The following SOX5 variants were observed in gnomAD, a reference collection of about 807,000 sequenced individuals.
The protein encoded by SOX5 is SRY-box transcription factor 5.
SOX5 carries 9 observed loss-of-function variants against 92.0 expected under a neutral mutation model. The ratio of observed to expected loss-of-function variants is 0.10; its 90% CI spans 0.06 to 0.17. SOX5 has a LOEUF of 0.17. Among genes scored for constraint, SOX5 ranks in the 10% least tolerant of loss-of-function variants. SOX5 has a pLI of 1.00. For synonymous variants in SOX5, 344 were observed against 336.3 expected (o/e 1.02, Z -0.25); for missense variants, 642 against 944.5 (o/e 0.68, Z 4.20).
intron 7 of SOX5, among the ~76,000 whole-genome samples, chr12:23,658,909 AAAAC>A (rs1392273205): frequency 2.0e-5 from 3 of 152,190 alleles, no homozygotes; most frequent in East Asian, 1.9e-4. Context: ...ATAAAAAATA[AAAAC>A]AAACAAACAA....
intron 6 of SOX5, among the ~76,000 whole-genome samples, chr12:23,715,512 T>C (rs1295116276): frequency 6.6e-6 from 1 of 152,116 alleles, no homozygotes; most frequent in African/African-American, 2.4e-5. Context: ...CAGTAACATT[T>C]AAAAGTTCAT....
upstream of SOX5, chr12:23,950,908 G>T (rs1366148410): frequency 1.3e-6 from 2 of 1,533,038 alleles, no homozygotes; most frequent in African/African-American, 2.7e-5. Flanking sequence ...CCCGTGCACC[G>T]CAGCATCTGG....
At chr12:24,075,313 A>G (rs1942423760) in intron 4 of SOX5, among the ~76,000 whole-genome samples, 1 of 145,266 alleles carries the variant, frequency 6.9e-6, no homozygotes. Context: ...AGTCAGTGCC[A>G]GTCAGAAACA....
At chr12:24,160,446 C>T (rs1314530057) in intron 4 of SOX5, among the ~76,000 whole-genome samples, 2 of 151,820 alleles carry the variant, frequency 1.3e-5, no homozygotes, top group East Asian at 1.9e-4. Context: ...ATTCTATATG[C>T]AACATTGGGC....
At chr12:24,124,893 A>C (rs1237166990) in intron 4 of SOX5, among the ~76,000 whole-genome samples, 1 of 152,208 alleles carries the variant, frequency 6.6e-6, no homozygotes, top group Non-Finnish European at 1.5e-5. Flanking sequence ...TCGTGTGTAA[A>C]ACAGGGTTTT....
chr12:23,573,190 T>C (rs1948629451), intron 10 of SOX5, among the ~76,000 whole-genome samples: 1 of 152,168 alleles, frequency 6.6e-6, no homozygotes, highest in Non-Finnish European at 1.5e-5. Context: ...TGAAGAGTAA[T>C]ATACATATTC....
intron 3 of SOX5, among the ~76,000 whole-genome samples, chr12:24,264,171 G>T (rs1232266901): frequency 6.6e-6 from 1 of 152,108 alleles, no homozygotes; most frequent in African/African-American, 2.4e-5. Flanking sequence ...TTTGCTTTGA[G>T]CTTCCATTTC....
At chr12:24,264,680 G>T (rs1446109340) in intron 3 of SOX5, among the ~76,000 whole-genome samples, 1 of 152,134 alleles carries the variant, frequency 6.6e-6, no homozygotes, top group African/African-American at 2.4e-5. Context: ...AGGTGGAAAT[G>T]CAGAGCCTTA....
chr12:24,495,405 A>C (rs1038085571), intron 1 of SOX5, among the ~76,000 whole-genome samples: 2 of 152,344 alleles, frequency 1.3e-5, no homozygotes, highest in Admixed American at 6.5e-5. Flanking sequence ...AGCAATTAGA[A>C]CTACAAAGAG....
intron 10 of SOX5, among the ~76,000 whole-genome samples, chr12:23,572,679 T>C (rs922829316): frequency 6.6e-6 from 1 of 152,160 alleles, no homozygotes; most frequent in Non-Finnish European, 1.5e-5. Context: ...ACTATGACAT[T>C]TATAAGCCTA....
chr12:24,042,598 T>C (rs913067893), intron 4 of SOX5, among the ~76,000 whole-genome samples: 6 of 152,282 alleles, frequency 3.9e-5, no homozygotes, highest in African/African-American at 1.4e-4. Flanking sequence ...AAAAAGTATA[T>C]TTAGTGTATC....
intron 2 of SOX5, among the ~76,000 whole-genome samples, chr12:24,366,663 C>T (rs1484035068): frequency 6.6e-6 from 1 of 152,134 alleles, no homozygotes; most frequent in Non-Finnish European, 1.5e-5. Flanking sequence ...GCATAGCTGA[C>T]TCCTTCTTCA....
intron 4 of SOX5, among the ~76,000 whole-genome samples, chr12:24,196,458 C>A (rs553581347): frequency 4.5e-4 from 69 of 152,254 alleles, no homozygotes; most frequent in Admixed American, 2.2e-3. Flanking sequence ...TATACAACAG[C>A]ATTTTCTAAA....
At chr12:24,472,823 T>C (rs1187653004) in intron 1 of SOX5, among the ~76,000 whole-genome samples, 2 of 151,986 alleles carry the variant, frequency 1.3e-5, no homozygotes, top group African/African-American at 4.8e-5. Context: ...GTATGTTATC[T>C]AGGATGTAAA....
intron 4 of SOX5, among the ~76,000 whole-genome samples, chr12:24,041,617 A>G (rs564358900): frequency 1.3e-5 from 2 of 152,282 alleles, no homozygotes; most frequent in South Asian, 2.1e-4. Context: ...ACTGCAAACA[A>G]TAAGTAACTT....
At chr12:24,248,978 C>A in intron 3 of SOX5, among the ~76,000 whole-genome samples, 1 of 152,156 alleles carries the variant, frequency 6.6e-6, no homozygotes, top group Non-Finnish European at 1.5e-5. Context: ...AGTCAAGTCA[C>A]TGATTAAAAG....
chr12:23,649,683 T>C (rs1190100888), intron 7 of SOX5, among the ~76,000 whole-genome samples: 1 of 152,134 alleles, frequency 6.6e-6, no homozygotes, highest in East Asian at 1.9e-4. Flanking sequence ...GCTTACAGTG[T>C]CTACTGACAC....
intron 4 of SOX5, among the ~76,000 whole-genome samples, chr12:24,038,684 CAT>C (rs1191396611): frequency 6.6e-6 from 1 of 152,086 alleles, no homozygotes; most frequent in Non-Finnish European, 1.5e-5. Flanking sequence ...TGGGAAATTA[CAT>C]GTTTTAGATT....
At chr12:23,629,829 G>A (rs1046442816) in intron 8 of SOX5, among the ~76,000 whole-genome samples, 1 of 151,778 alleles carries the variant, frequency 6.6e-6, no homozygotes, top group Non-Finnish European at 1.5e-5. Flanking sequence ...TTCTTATAAT[G>A]CTTAGCTCAA....
Sources: allele counts gnomAD v4.1 joint callset (sites outside exome capture counted in the v4.1 genomes callset), GRCh38; gene constraint gnomAD v4.1.1; transcripts MANE v1.5; gene names NCBI Gene and HGNC (gene_info 2026-07-23, HGNC 2026-07-21).